ZRANB3: variants seen among roughly 807,000 people sequenced by gnomAD.
ZRANB3 encodes the protein zinc finger RANBP2-type containing 3.
In ZRANB3, 125 loss-of-function variants were observed where a neutral mutation model predicts 133.8. The ratio of observed to expected loss-of-function variants is 0.93; its 90% CI spans 0.81 to 1.08. The LOEUF is 1.08. Ranked by LOEUF, ZRANB3 falls within the 50% of genes least tolerant of loss-of-function variation. The pLI is 0.00. For missense variants in ZRANB3, 1,229 were observed against 1,275.5 expected, an observed-to-expected ratio of 0.96 and a Z score of 0.56; for synonymous variants, 387 against 432.7, an observed-to-expected ratio of 0.89 and a Z score of 1.31.
chr2:135,354,926 T>C (rs1685363879), intron 3 of ZRANB3, among the ~76,000 whole-genome samples: 1 of 152,198 alleles, frequency 6.6e-6, no homozygotes, highest in African/African-American at 2.4e-5. Context: ...TATACCTCAA[T>C]AATCCTTACT....
At chr2:135,301,122 C>T (rs2104808638) in intron 8 of ZRANB3, among the ~76,000 whole-genome samples, 1 of 152,136 alleles carries the variant, frequency 6.6e-6, no homozygotes, top group East Asian at 1.9e-4. Context: ...GTGATCCTTC[C>T]ACCTCAGCCT....
intron 20 of ZRANB3, chr2:135,202,622 C>G: frequency 2.1e-6 from 1 of 473,426 alleles, no homozygotes; most frequent in Non-Finnish European, 3.7e-6. Flanking sequence ...TGTCTTGGTC[C>G]TAGAATGAAT....
intron 11 of ZRANB3, among the ~76,000 whole-genome samples, chr2:135,266,069 C>G (rs1365403119): frequency 1.3e-5 from 2 of 151,968 alleles, no homozygotes; most frequent in Non-Finnish European, 2.9e-5. Context: ...ATTAGCCGGG[C>G]GTGGTGGCAG....
At chr2:135,525,942 T>C (rs1332558023) in intron 1 of ZRANB3, among the ~76,000 whole-genome samples, 1 of 150,568 alleles carries the variant, frequency 6.6e-6, no homozygotes. Context: ...CCACAAAAAG[T>C]GAAATAGTGT....
intron 2 of ZRANB3, among the ~76,000 whole-genome samples, chr2:135,409,767 T>C (rs1688220087): frequency 6.6e-6 from 1 of 152,186 alleles, no homozygotes; most frequent in South Asian, 2.1e-4. Flanking sequence ...GATAAACAAG[T>C]TCAGTAATGT....
chr2:135,409,972 G>A lies in ZRANB3; in HGVS notation c.162-19152C>T, dbSNP rs145974690. Among the ~76,000 whole-genome samples, 1,066 of 152,140 alleles carry A rather than the reference G, an allele frequency of 7.0e-3. 11 individuals carry two copies. The highest frequency in any genetic ancestry group is 0.024 in the African/African-American group (999 of 41,532). On this transcript the variant is annotated intron_variant, in intron 2 of 20. Coordinates refer to ENST00000264159, the MANE Select transcript of ZRANB3 (RefSeq NM_032143.4). ...GGAGAACTTTGTATGAAACACTGATGAAAGAAATCATAGATGACACAAACA... is the reference window on the plus strand; with the variant it reads ...GGAGAACTTTGTATGAAACACTGATAAAAGAAATCATAGATGACACAAACA...
chr2:135,285,769 T>G (rs919021223), intron 8 of ZRANB3, among the ~76,000 whole-genome samples: 26 of 152,372 alleles, frequency 1.7e-4, no homozygotes, highest in African/African-American at 6.0e-4. Flanking sequence ...GGCATTGTTT[T>G]GATGTGCCTG....
At position 135,468,120 on chromosome 2, in the gene ZRANB3, A is replaced by G. The variant is rs184208292; in HGVS notation, c.161+36209T>C. ...ATTAGTGACACCTTAATGCTTATCA[A>G]TGATCACAGATGGAAAGAAGCTTGG... On this transcript the variant is annotated intron_variant, in intron 2 of 20. Transcript: ENST00000264159. Among the ~76,000 whole-genome samples, 99 of 152,336 alleles carry G rather than the reference A, an allele frequency of 6.5e-4. 1 individual carries two copies. The highest frequency in any genetic ancestry group is 5.9e-3 in the Admixed American group (90 of 15,294).
chr2:135,200,802 CTGAAG>C (rs1456314914), intron 20 of ZRANB3, among the ~76,000 whole-genome samples: 15 of 138,282 alleles, frequency 1.1e-4, no homozygotes, highest in African/African-American at 2.2e-4. Context: ...TTTGCCGAGG[CTGAAG>C]TGAAGTGATG....
intron 2 of ZRANB3, among the ~76,000 whole-genome samples, chr2:135,454,974 C>T (rs1287472914): frequency 6.6e-6 from 1 of 152,038 alleles, no homozygotes. Flanking sequence ...TTCTCCAAAT[C>T]CAACAGTCTT....
At chr2:135,445,448 A>C (rs1689976090) in intron 2 of ZRANB3, among the ~76,000 whole-genome samples, 1 of 152,080 alleles carries the variant, frequency 6.6e-6, no homozygotes, top group Non-Finnish European at 1.5e-5. Context: ...ATCTAAATAA[A>C]TAAGTAAATA....
Position 135,378,974 on chromosome 2 carries a change from T to G in ZRANB3, c.180+11828A>C, listed in dbSNP as rs1278091381. On this transcript the variant is annotated intron_variant, in intron 3 of 20. Coordinates refer to ENST00000264159, the MANE Select transcript of ZRANB3 (RefSeq NM_032143.4). ...TCCTAGTTTTATTTTTATTTATATA[T>G]TTTTTAAAAGGACATGAGAGAAAAA... is the stretch of plus-strand genomic sequence containing the variant. Among the ~76,000 whole-genome samples, 8 of 152,268 alleles carry G rather than the reference T, an allele frequency of 5.3e-5. No homozygotes were observed. The South Asian group carries it at 1.7e-3, about 32-fold the overall frequency.
At chr2:135,388,624 T>C (rs1361482457) in intron 3 of ZRANB3, among the ~76,000 whole-genome samples, 1 of 152,144 alleles carries the variant, frequency 6.6e-6, no homozygotes, top group Non-Finnish European at 1.5e-5. Context: ...TCTATACATG[T>C]ATATATATAA....
intron 2 of ZRANB3, among the ~76,000 whole-genome samples, chr2:135,394,081 A>G (rs1687369894): frequency 6.6e-6 from 1 of 151,532 alleles, no homozygotes; most frequent in Non-Finnish European, 1.5e-5. Flanking sequence ...CTGGTCTCAA[A>G]CTCCTGATCT....
intron 1 of ZRANB3, among the ~76,000 whole-genome samples, chr2:135,522,987 A>C (rs1208407398): frequency 6.6e-6 from 1 of 152,242 alleles, no homozygotes; most frequent in East Asian, 1.9e-4. Context: ...TCCAGGTAAT[A>C]CAATTCATAA....
chr2:135,460,046 T>A (rs1380381457), intron 2 of ZRANB3, among the ~76,000 whole-genome samples: 2 of 152,058 alleles, frequency 1.3e-5, no homozygotes, highest in Non-Finnish European at 2.9e-5. Context: ...CATCAGAATA[T>A]TCAAGGGTGT....
chr2:135,241,156 T>C (rs1180449326), intron 12 of ZRANB3, among the ~76,000 whole-genome samples: 4 of 152,138 alleles, frequency 2.6e-5, no homozygotes, highest in Admixed American at 2.0e-4. Context: ...TCCTTCCTCT[T>C]AATTTTCTCT....
intron 17 of ZRANB3, among the ~76,000 whole-genome samples, chr2:135,214,297 C>T (rs925165810): frequency 6.4e-4 from 98 of 152,200 alleles, no homozygotes; most frequent in African/African-American, 2.3e-3. Flanking sequence ...CCTTTTTGAT[C>T]TAATCTCCCA....
chr2:135,355,664 A>G (rs1685401471), intron 3 of ZRANB3, among the ~76,000 whole-genome samples: 2 of 152,046 alleles, frequency 1.3e-5, no homozygotes, highest in Admixed American at 6.6e-5. Flanking sequence ...GCCAACAATT[A>G]CAGATCTTTA....
Sources: allele counts gnomAD v4.1 joint callset (sites outside exome capture counted in the v4.1 genomes callset), GRCh38; gene constraint gnomAD v4.1.1; transcripts MANE v1.5; gene names NCBI Gene and HGNC (gene_info 2026-07-23, HGNC 2026-07-21).